The following SBNO2 variants were observed in gnomAD, a reference collection of about 807,000 sequenced individuals.
The protein encoded by SBNO2 is strawberry notch homolog 2.
Under a neutral mutation model 146.3 loss-of-function variants are expected in SBNO2, and 89 were observed. That is an observed-to-expected ratio of 0.61 (90% CI 0.51 to 0.73). SBNO2 has a LOEUF of 0.73. Among genes scored for constraint, SBNO2 ranks in the 30% least tolerant of loss-of-function variants. The pLI is 0.00. For synonymous variants in SBNO2, 1,147 were observed against 892.6 expected, an observed-to-expected ratio of 1.29 and a Z score of -5.08; for missense variants, 2,092 against 2,003.7, an observed-to-expected ratio of 1.04 and a Z score of -0.84.
intron 4 of SBNO2, among the ~76,000 whole-genome samples, chr19:1,134,013 C>G (rs1320530171): frequency 1.3e-5 from 2 of 152,162 alleles, no homozygotes; most frequent in Non-Finnish European, 2.9e-5. Flanking sequence ...AGTGGACCCA[C>G]AGCCCACAGG....
In SBNO2 at chr19:1,140,661, C is replaced by A. The variant is rs1330693959; in HGVS notation, c.279+6648G>T. 1.3e-5 allele frequency among the ~76,000 whole-genome samples: 2 copies of A among 152,206 alleles called. No homozygotes were observed. The highest frequency in any genetic ancestry group is 2.4e-5 in the African/African-American group (1 of 41,454). On this transcript the variant is annotated intron_variant, in intron 4 of 31. Coordinates refer to ENST00000361757, the MANE Select transcript of SBNO2 (RefSeq NM_014963.3). This position sits in a 1 kb window ranked among gnomAD's most constrained non-coding sequence, Gnocchi z 4.4. The stretch of plus-strand genomic sequence containing the variant: ...GCGGGGAAGGGGTGGGGGTCCCACA[C>A]AGACCCAGCCGTCAGCAGGAGAAGG...
At chr19:1,120,828 C>G (rs1430008376) in intron 11 of SBNO2, among the ~76,000 whole-genome samples, 1 of 152,132 alleles carries the variant, frequency 6.6e-6, no homozygotes, top group East Asian at 1.9e-4. Context: ...GCCACCACGC[C>G]CGGGTAATTT....
At position 1,122,801 on chromosome 19, in the gene SBNO2, G is replaced by A. The variant is rs897995430; in HGVS notation, c.781-10C>T. On this transcript the variant is annotated splice_polypyrimidine_tract_variant and intron_variant, in intron 8 of 31. Transcript: ENST00000361757. Reference sequence around the variant, plus strand: ...GCAGGACCTCGTGTTGCTGTTGCCGGAGAGCAGGCGTCAGGGCCTGGGGGT... The same window carrying A: ...GCAGGACCTCGTGTTGCTGTTGCCGAAGAGCAGGCGTCAGGGCCTGGGGGT... 1.0e-5 allele frequency: 16 copies of A among 1,537,952 alleles called. No individual in the cohort carries two copies. Among genetic ancestry groups the A allele is most frequent in the East Asian group, 2.4e-5 (1 of 41,024 alleles).
In SBNO2 at chr19:1,112,956, C is replaced by A; in HGVS notation, c.2248-7G>T. The A allele has an allele frequency of 6.4e-7, 1 of 1,557,436 alleles. No homozygotes were observed. The highest frequency in any genetic ancestry group is 8.7e-7 in the Non-Finnish European group (1 of 1,152,324). ...GGCCTTTCCTGCCGGTCATCTGCAG[C>A]CGAGACAGGGACAAAACCGGCCGTC... On this transcript the variant is annotated splice_polypyrimidine_tract_variant and splice_region_variant and intron_variant, in intron 19 of 31. Coordinates refer to ENST00000361757, the MANE Select transcript of SBNO2 (RefSeq NM_014963.3). This position sits in a 1 kb window ranked among gnomAD's most constrained non-coding sequence, Gnocchi z 5.9.
chr19:1,141,189 A>T (rs2080133992), intron 4 of SBNO2, among the ~76,000 whole-genome samples: 2 of 151,772 alleles, frequency 1.3e-5, no homozygotes, highest in South Asian at 4.1e-4. Context: ...CCCCGGTCCA[A>T]CAAGCTCTTA....
chr19:1,158,535 G>A lies in SBNO2; in HGVS notation c.-126-4133C>T, dbSNP rs1019163180. 6.6e-6 allele frequency among the ~76,000 whole-genome samples: 1 copy of A among 152,182 alleles called. No individual in the cohort carries two copies. Among genetic ancestry groups the A allele is most frequent in the Non-Finnish European group, 1.5e-5 (1 of 68,020 alleles). ...CGCACGGCACACCCCAGAGCGCTCC[G>A]CCCAGGCCCGGGTTCTGGTCTCCTG... On this transcript the variant is annotated intron_variant, in intron 1 of 31. Coordinates refer to ENST00000361757, the MANE Select transcript of SBNO2 (RefSeq NM_014963.3). The surrounding 1 kb of genome is among the most constrained non-coding windows in gnomAD (Gnocchi z 9.9).
rs28612115 is a variant in SBNO2 at position 1,111,128 on chromosome 19, C to T, written c.2810-35G>A. 13,595 of 1,533,566 alleles carry T rather than the reference C, an allele frequency of 8.9e-3. 1,033 individuals are homozygous for T. The African/African-American group carries it at 0.16, about 19-fold the overall frequency. 95.0% of individuals were successfully genotyped at this position (1,533,566 alleles called of 1,614,324 possible). A position where few individuals can be genotyped will look rare whatever the true frequency, so the allele number is the denominator to read the frequency against. ...GAGGGGCCTCACATGCTGGTCTTCCCACCCCTGCCCCTCCCTCGAAGCCCC... is the reference window on the plus strand; with the variant it reads ...GAGGGGCCTCACATGCTGGTCTTCCTACCCCTGCCCCTCCCTCGAAGCCCC... On this transcript the variant is annotated intron_variant, in intron 24 of 31. Coordinates refer to ENST00000361757, the MANE Select transcript of SBNO2 (RefSeq NM_014963.3).
chr19:1,146,393 T>C (rs2080190075), intron 4 of SBNO2, among the ~76,000 whole-genome samples: 1 of 152,050 alleles, frequency 6.6e-6, no homozygotes, highest in African/African-American at 2.4e-5. Flanking sequence ...CTGAATTGGC[T>C]CCATTCTGCT....
At position 1,110,959 on chromosome 19, in the gene SBNO2, G is replaced by A. The variant is rs539825120; in HGVS notation, c.2884+60C>T. 122 of 1,610,586 alleles carry A rather than the reference G, an allele frequency of 7.6e-5. 5 individuals carry two copies. In the South Asian group the frequency reaches 1.1e-3, roughly 15 times the overall value. ...CTCCCTGCTTTGCTCACCACCCGAG[G>A]CCAAGGTTGCATGAGATGAGAGACA... On this transcript the variant is annotated intron_variant, in intron 25 of 31. Coordinates refer to ENST00000361757, the MANE Select transcript of SBNO2 (RefSeq NM_014963.3). The surrounding 1 kb of genome is among the most constrained non-coding windows in gnomAD (Gnocchi z 4.9).
rs1406838711 is a variant in SBNO2, at chr19:1,109,094, G to A, written c.3425+41C>T. The stretch of plus-strand genomic sequence containing the variant: ...GCCCCCGATCCCCGCCTGGGTCGCC[G>A]CCATCTGCCGGTTTCCCCCTGGTCC... On this transcript the variant is annotated intron_variant, in intron 30 of 31. Transcript: ENST00000361757. This position sits in a 1 kb window ranked among gnomAD's most constrained non-coding sequence, Gnocchi z 4.2. 4.5e-6 allele frequency: 7 copies of A among 1,542,126 alleles called. No individual in the cohort carries two copies. The highest frequency in any genetic ancestry group is 1.4e-5 in the African/African-American group (1 of 72,794).
Position 1,108,401 on chromosome 19 carries a change from C to A in SBNO2, c.3920G>T (p.Gly1307Val). The A allele has an allele frequency of 3.1e-6, 4 of 1,279,542 alleles. No individual in the cohort carries two copies. Among genetic ancestry groups the A allele is most frequent in the Non-Finnish European group, 4.0e-6 (4 of 1,007,544 alleles). The allele number at this position is 1,279,542 out of a possible 1,614,324, so 79.3% of individuals were successfully genotyped here. A position where few individuals can be genotyped will look rare whatever the true frequency, so the allele number is the denominator to read the frequency against. The change falls in exon 32 of 32, where the codon GGC (glycine) becomes GTC (valine). Residue 1307 changes from glycine (G) to valine (V), a missense_variant. By Grantham distance (109) the Gly-to-Val change is moderately radical. Transcript: ENST00000361757. ...CACCTCCTTGAAGTTGATGTCGCAG[C>A]CCTGGTGCGCGAGGGCCGCAGGGTC... The part of the protein sequence containing the change: ...QADPAALAHQ[G>V]CDINFKEVLE...
Position 1,107,650 on chromosome 19 carries a change from G to C in SBNO2, c.*570C>G, listed in dbSNP as rs543986361. Reference sequence around the variant, plus strand: ...CAGACTCCGTGGGAAGTAGGCAAAAGGCACATATATTTAAAAAAGTCCTTT... The same window carrying C: ...CAGACTCCGTGGGAAGTAGGCAAAACGCACATATATTTAAAAAAGTCCTTT... On this transcript the variant is annotated 3_prime_UTR_variant, in exon 32 of 32. Transcript: ENST00000361757. 12 of 152,514 alleles carry C rather than the reference G, an allele frequency of 7.9e-5. No homozygotes were observed. Among genetic ancestry groups the C allele is most frequent in the African/African-American group, 2.2e-4 (9 of 41,442 alleles). 9.4% of individuals were successfully genotyped at this position (152,514 alleles called of 1,614,324 possible). A position where few individuals can be genotyped will look rare whatever the true frequency, so the allele number is the denominator to read the frequency against.
chr19:1,111,378 T>C (rs2145190316), intron 24 of SBNO2, 128 bp downstream of exon 24: 3 of 753,408 alleles, frequency 4.0e-6, no homozygotes, highest in South Asian at 3.5e-5. Context: ...CAGCCCTCTC[T>C]GTCCGTGTGT....
chr19:1,113,710 G>A lies in SBNO2; in HGVS notation c.2078-6C>T, dbSNP rs2079796690. On this transcript the variant is annotated splice_polypyrimidine_tract_variant and splice_region_variant and intron_variant, in intron 18 of 31. Transcript: ENST00000361757. ...CTGCAGGAGGCACAGGGGTCCTAGG[G>A]AGGAGGTGGAGGGTCAGGGCAGGAC... The A allele has an allele frequency of 2.0e-6, 3 of 1,532,002 alleles. No individual in the cohort carries two copies. The highest frequency in any genetic ancestry group is 2.1e-5 in the Admixed American group (1 of 46,824). The allele number at this position is 1,532,002 out of a possible 1,614,324, so 94.9% of individuals were successfully genotyped here.
intron 2 of SBNO2, among the ~76,000 whole-genome samples, chr19:1,152,666 C>G (rs1194101067): frequency 2.0e-5 from 3 of 152,198 alleles, no homozygotes; most frequent in African/African-American, 7.2e-5. Context: ...CAGCTCAGAG[C>G]CCCCTCTGGA....
At position 1,140,991 on chromosome 19, in the gene SBNO2, T is replaced by G. The variant is rs1176851222; in HGVS notation, c.279+6318A>C. The stretch of plus-strand genomic sequence containing the variant: ...AGACAAAACCAACGGAGAGGCACTC[T>G]GGAGAAGACACACCCTGGAGAAGAC... On this transcript the variant is annotated intron_variant, in intron 4 of 31. Coordinates refer to ENST00000361757, the MANE Select transcript of SBNO2 (RefSeq NM_014963.3). This position sits in a 1 kb window ranked among gnomAD's most constrained non-coding sequence, Gnocchi z 4.4. Among the ~76,000 whole-genome samples the G allele has an allele frequency of 6.6e-6, 1 of 151,506 alleles. No individual in the cohort carries two copies. The highest frequency in any genetic ancestry group is 1.5e-5 in the Non-Finnish European group (1 of 67,868).
Position 1,119,557 on chromosome 19 carries a change from G to A in SBNO2, c.1332C>T (p.Pro444=), listed in dbSNP as rs749568810. 6.2e-7 allele frequency: 1 copy of A among 1,611,594 alleles called. No homozygotes were observed. The highest frequency in any genetic ancestry group is 1.7e-5 in the Admixed American group (1 of 59,854). The change falls in exon 13 of 32, where the codon CCC becomes CCT. Residue 444 remains proline (P), a synonymous_variant. Transcript: ENST00000361757. The part of the protein sequence containing the change: ...SRLGIWGEGT[P]FRNFEEFLHA... The stretch of plus-strand genomic sequence containing the variant: ...GCAGGAACTCCTCAAAGTTCCGGAA[G>A]GGTGTGCCCTCGCCCCAGATACCCA...
intron 4 of SBNO2, chr19:1,128,411 G>A (rs1336545279): frequency 3.5e-6 from 1 of 287,668 alleles, no homozygotes; most frequent in Non-Finnish European, 6.8e-6. Flanking sequence ...TTTTTTTTTT[G>A]AGACGGATTC....
Position 1,125,408 on chromosome 19 carries a change from C to G in SBNO2, c.442-1386G>C, listed in dbSNP as rs369075425. Among the ~76,000 whole-genome samples the G allele has an allele frequency of 2.0e-5, 3 of 147,926 alleles. 1 individual carries two copies. Among genetic ancestry groups the G allele is most frequent in the Admixed American group, 2.0e-4 (3 of 14,838 alleles). ...AGCGTGGGCCGGGCATGGTGGCTCACGCCTGTAATCCCAGCACTTCGGGAG... is the reference window on the plus strand; with the variant it reads ...AGCGTGGGCCGGGCATGGTGGCTCAGGCCTGTAATCCCAGCACTTCGGGAG... On this transcript the variant is annotated intron_variant, in intron 5 of 31. Coordinates refer to ENST00000361757, the MANE Select transcript of SBNO2 (RefSeq NM_014963.3).
Sources: allele counts gnomAD v4.1 joint callset (sites outside exome capture counted in the v4.1 genomes callset), GRCh38; gene constraint gnomAD v4.1.1; non-coding constraint Gnocchi (gnomAD v3.1); transcripts MANE v1.5; gene names NCBI Gene and HGNC (gene_info 2026-07-23, HGNC 2026-07-21).